Variants in OTUD6B observed in about 807,000 individuals in gnomAD.
OTUD6B encodes deubiquitinase OTUD6B.
OTUD6B carries 41 observed loss-of-function variants against 36.9 expected under a neutral mutation model. The observed-to-expected ratio is 1.11, with a 90% CI of 0.87 to 1.44. OTUD6B has a LOEUF of 1.44. Ranked by LOEUF, OTUD6B falls within the 40% of genes most tolerant of loss-of-function variation. The pLI is 0.00. For synonymous variants in OTUD6B, 114 were observed against 114.2 expected, an observed-to-expected ratio of 1.00 and a Z score of 0.01; for missense variants, 356 against 344.8, an observed-to-expected ratio of 1.03 and a Z score of -0.26.
At chr8:91,079,910 A>AT (rs1223269979) in intron 4 of OTUD6B, among the ~76,000 whole-genome samples, 2 of 152,122 alleles carry the variant, frequency 1.3e-5, no homozygotes, top group Admixed American at 6.6e-5. Flanking sequence ...AACGCTGAGG[A>AT]TTTAACAGGG....
At chr8:91,075,013 A>G (rs947802080) in intron 3 of OTUD6B, among the ~76,000 whole-genome samples, 1 of 152,054 alleles carries the variant, frequency 6.6e-6, no homozygotes, top group South Asian at 2.1e-4. Flanking sequence ...AAATGATAGT[A>G]TTGTTTCTAT....
chr8:91,074,013 AT>A (rs1362131927), intron 3 of OTUD6B, 102 bp downstream of exon 3: 2 of 721,616 alleles, frequency 2.8e-6, no homozygotes, highest in Non-Finnish European at 4.5e-6. Flanking sequence ...TGAAAAAAAA[AT>A]GATGCAGTTC....
Position 91,085,115 on chromosome 8 carries a change from CT to C in OTUD6B, c.*248del, listed in dbSNP as rs1179061528. ...ACCATTCATAGACCAAGATGGTCCCCTATTAGCTGATATTTTCATTTATGTA... is the reference window on the plus strand; with the variant it reads ...ACCATTCATAGACCAAGATGGTCCCCATTAGCTGATATTTTCATTTATGTA... On this transcript the variant is annotated 3_prime_UTR_variant, in exon 7 of 7. Transcript: ENST00000404789. The C allele has an allele frequency of 8.6e-6, 2 of 231,816 alleles. No homozygotes were observed. Among genetic ancestry groups the C allele is most frequent in the African/African-American group, 4.5e-5 (2 of 44,068 alleles). The allele number at this position is 231,816 out of a possible 1,614,324, so 14.4% of individuals were successfully genotyped here. A position where few individuals can be genotyped will look rare whatever the true frequency, so the allele number is the denominator to read the frequency against.
At position 91,073,836 on chromosome 8, in the gene OTUD6B, T is replaced by C; in HGVS notation, c.240T>C (p.Asp80=). The C allele has an allele frequency of 6.3e-7, 1 of 1,581,614 alleles. No homozygotes were observed. The highest frequency in any genetic ancestry group is 8.6e-7 in the Non-Finnish European group (1 of 1,161,638). Residue 80 remains aspartate (D), a synonymous_variant, in exon 3 of 7, where the codon GAT becomes GAC. Transcript: ENST00000404789. ...LKLTTKENKI[D]SVAVNISNLV... ...ATGCTTTTTGTTTCCTTCAGATAGA[T>C]TCTGTTGCTGTTAACATTTCAAACT...
At chr8:91,076,613 T>G (rs1460407197) in intron 3 of OTUD6B, 1 of 1,532,560 alleles carries the variant, frequency 6.5e-7, no homozygotes, top group Admixed American at 2.0e-5. Flanking sequence ...GAAGGAGCTC[T>G]CTGTGTTGTC....
intron 5 of OTUD6B, among the ~76,000 whole-genome samples, chr8:91,081,477 A>G (rs1019331063): frequency 4.6e-5 from 7 of 151,528 alleles, no homozygotes; most frequent in African/African-American, 1.7e-4. Context: ...AGGTCCTGGC[A>G]TTTTCTTCCA....
At chr8:91,082,505 C>T (rs1459701424) in intron 5 of OTUD6B, among the ~76,000 whole-genome samples, 2 of 151,908 alleles carry the variant, frequency 1.3e-5, no homozygotes, top group Non-Finnish European at 2.9e-5. Flanking sequence ...TCCTGAGTAG[C>T]TGCACCACCA....
chr8:91,084,256 T>C (rs2130447158), intron 6 of OTUD6B, 142 bp downstream of exon 6: 2 of 596,352 alleles, frequency 3.4e-6, no homozygotes, highest in Admixed American at 6.6e-5. Flanking sequence ...TGTGTGAGTT[T>C]AGAATAAAGT....
chr8:91,078,832 G>T, intron 4 of OTUD6B, 164 bp downstream of exon 4: 7 of 457,142 alleles, frequency 1.5e-5, no homozygotes, highest in South Asian at 1.1e-4. Flanking sequence ...AATAGATGTT[G>T]GTGTATTTTT....
chr8:91,083,944 C>A, intron 5 of OTUD6B, 64 bp from the exon 6 acceptor site: 1 of 1,536,256 alleles, frequency 6.5e-7, no homozygotes, highest in Middle Eastern at 1.7e-4. Flanking sequence ...GTTGCCCGTT[C>A]ACACATATTT....
At chr8:91,082,847 G>T (rs1198419826) in intron 5 of OTUD6B, among the ~76,000 whole-genome samples, 2 of 149,208 alleles carry the variant, frequency 1.3e-5, no homozygotes, top group East Asian at 4.0e-4. Flanking sequence ...TGCCTCCCGG[G>T]CTCAAGTGAT....
chr8:91,077,500 C>G (rs773865723), intron 3 of OTUD6B, among the ~76,000 whole-genome samples: 21 of 151,820 alleles, frequency 1.4e-4, no homozygotes, highest in Non-Finnish European at 2.8e-4. Flanking sequence ...ATTACTAGTC[C>G]ATCTGTTAGG....
intron 5 of OTUD6B, among the ~76,000 whole-genome samples, chr8:91,081,145 GAA>G (rs79315249): frequency 0.032 from 4,814 of 149,856 alleles, 246 homozygotes; most frequent in African/African-American, 0.11. Context: ...ATCAGAAATG[GAA>G]AAAAAAAATT....
intron 4 of OTUD6B, chr8:91,078,877 G>A (rs1042686428): frequency 2.4e-6 from 1 of 412,022 alleles, no homozygotes; most frequent in Admixed American, 4.1e-5. Flanking sequence ...TAGTTATTTT[G>A]TAATTATAAT....
intron 3 of OTUD6B, among the ~76,000 whole-genome samples, chr8:91,074,952 G>A (rs942574211): frequency 6.6e-6 from 1 of 151,946 alleles, no homozygotes; most frequent in African/African-American, 2.4e-5. Flanking sequence ...ATTAAATACT[G>A]TACTATTTCC....
intron 2 of OTUD6B, among the ~76,000 whole-genome samples, chr8:91,071,894 T>C (rs766893814): frequency 1.3e-5 from 2 of 152,222 alleles, no homozygotes; most frequent in Non-Finnish European, 2.9e-5. Flanking sequence ...CTGAATGGGA[T>C]TGTAACCTGA....
At chr8:91,075,244 T>C (rs1812779793) in intron 3 of OTUD6B, among the ~76,000 whole-genome samples, 3 of 152,098 alleles carry the variant, frequency 2.0e-5, no homozygotes, top group African/African-American at 7.2e-5. Flanking sequence ...ATTCATAAAA[T>C]TTAGATCTCA....
At chr8:91,075,372 A>C (rs1812783066) in intron 3 of OTUD6B, among the ~76,000 whole-genome samples, 1 of 152,048 alleles carries the variant, frequency 6.6e-6, no homozygotes, top group South Asian at 2.1e-4. Context: ...TAGCATAACA[A>C]AACATTGGAA....
intron 2 of OTUD6B, 48 bp from the exon 3 acceptor site, chr8:91,073,783 G>A (rs1012675642): frequency 1.3e-6 from 2 of 1,486,876 alleles, no homozygotes; most frequent in Non-Finnish European, 1.8e-6. Flanking sequence ...ATGATTTTCA[G>A]TAATTTAATA....
Sources: allele counts gnomAD v4.1 joint callset (sites outside exome capture counted in the v4.1 genomes callset), GRCh38; gene constraint gnomAD v4.1.1; transcripts MANE v1.5; gene names NCBI Gene and HGNC (gene_info 2026-07-23, HGNC 2026-07-21).